Variants in WDR41 observed in about 807,000 individuals in gnomAD.
The protein encoded by WDR41 is WD repeat-containing protein 41.
WDR41 carries 63 observed loss-of-function variants against 69.3 expected under a neutral mutation model. The observed-to-expected ratio is 0.91, with a 90% CI of 0.74 to 1.12. The LOEUF is 1.12. Among genes scored for constraint, WDR41 ranks in the 50% most tolerant of loss-of-function variants. The pLI, the probability that WDR41 is intolerant of heterozygous loss-of-function variation, is 0.00. For missense variants in WDR41, 543 were observed against 534.5 expected (o/e 1.02, Z -0.16); for synonymous variants, 185 against 192.1 (o/e 0.96, Z 0.31).
chr5:77,540,535 C>G (rs1426128482), intron 1 of WDR41: 1 of 152,116 alleles, frequency 6.6e-6, no homozygotes, highest in Non-Finnish European at 1.5e-5. Flanking sequence ...GAAACTCCGT[C>G]TCTATAAAAA....
intron 1 of WDR41, among the ~76,000 whole-genome samples, chr5:77,565,018 G>C (rs1743595502): frequency 6.6e-6 from 1 of 151,824 alleles, no homozygotes; most frequent in Admixed American, 6.6e-5. Context: ...GTACTACAGG[G>C]CCTCATGACC....
intron 2 of WDR41, chr5:77,480,326 A>G (rs1581752471): frequency 1.3e-5 from 2 of 152,092 alleles, no homozygotes; most frequent in African/African-American, 4.8e-5. Flanking sequence ...ATTACTGGGT[A>G]TATACCCAAA....
intron 12 of WDR41, among the ~76,000 whole-genome samples, chr5:77,433,702 T>C (rs950118334): frequency 1.3e-5 from 2 of 152,140 alleles, no homozygotes; most frequent in African/African-American, 4.8e-5. Context: ...AGGTGTTAAG[T>C]GTCAGCACTA....
intron 2 of WDR41, among the ~76,000 whole-genome samples, chr5:77,472,095 A>C (rs56168734): frequency 0.054 from 8,252 of 151,680 alleles, 366 homozygotes; most frequent in Admixed American, 0.13. Flanking sequence ...GGGCTTCATC[A>C]CTGGGATGCA....
intron 4 of WDR41, among the ~76,000 whole-genome samples, chr5:77,461,834 TAA>T (rs547738918): frequency 1.5e-5 from 2 of 137,426 alleles, no homozygotes. Flanking sequence ...AGATTCTGTC[TAA>T]AAAAAAAAAA....
intron 5 of WDR41, among the ~76,000 whole-genome samples, chr5:77,455,949 A>G (rs180713780): frequency 6.6e-6 from 1 of 150,698 alleles, no homozygotes; most frequent in Non-Finnish European, 1.5e-5. Context: ...CTCCCATATG[A>G]ATTTTAGGAT....
intron 7 of WDR41, among the ~76,000 whole-genome samples, chr5:77,450,545 G>A (rs979163941): frequency 2.8e-4 from 42 of 152,224 alleles, no homozygotes; most frequent in African/African-American, 9.4e-4. Context: ...ATCCACAGAC[G>A]TGATTCTATC....
intron 1 of WDR41, among the ~76,000 whole-genome samples, chr5:77,554,433 T>C (rs1039252170): frequency 6.6e-6 from 1 of 152,048 alleles, no homozygotes; most frequent in South Asian, 2.1e-4. Flanking sequence ...ATAGGATTAG[T>C]GCTCTTGTAG....
chr5:77,448,382 A>T (rs1262080233), intron 8 of WDR41, among the ~76,000 whole-genome samples: 2 of 152,116 alleles, frequency 1.3e-5, no homozygotes, highest in Non-Finnish European at 2.9e-5. Flanking sequence ...AACACAGACA[A>T]TCTAGTCCTT....
Position 77,438,301 on chromosome 5 carries a change from TCACACGCTTC to T in WDR41, c.933_942del (p.Met311IlefsTer24), listed in dbSNP as rs1561726484. 2 of 1,613,952 alleles carry T rather than the reference TCACACGCTTC, an allele frequency of 1.2e-6. No homozygotes were observed. Among genetic ancestry groups the T allele is most frequent in the Non-Finnish European group, 1.7e-6 (2 of 1,179,938 alleles). On this transcript the variant is annotated frameshift_variant, in exon 10 of 13. Transcript: ENST00000296679. LOFTEE classifies it high-confidence loss of function. ...TCATGTGCAGTTTTCTGGCAGGCAA[TCACACGCTTC>T]ATTTGAAGGCTATACACGTATAAAC...
chr5:77,435,428 A>T lies in WDR41; in HGVS notation c.1227+833T>A, dbSNP rs1371079971. Among the ~76,000 whole-genome samples the T allele has an allele frequency of 1.3e-5, 2 of 152,198 alleles. 1 individual carries two copies. Among genetic ancestry groups the T allele is most frequent in the Admixed American group, 1.3e-4 (2 of 15,284 alleles). ...TCTCCACTCAAGGGTAAGATCCATG[A>T]GGGCAAGGACTGTTTTCATCTCTCT... On this transcript the variant is annotated intron_variant, in intron 12 of 12. Coordinates refer to ENST00000296679, the MANE Select transcript of WDR41 (RefSeq NM_018268.4).
chr5:77,547,346 T>G (rs1318324622), intron 1 of WDR41, among the ~76,000 whole-genome samples: 3 of 152,048 alleles, frequency 2.0e-5, no homozygotes, highest in Non-Finnish European at 4.4e-5. Context: ...TGTTTGCTGA[T>G]GATATGACCA....
intron 1 of WDR41, among the ~76,000 whole-genome samples, chr5:77,509,211 A>G (rs1163693149): frequency 1.3e-5 from 2 of 152,058 alleles, no homozygotes; most frequent in African/African-American, 4.8e-5. Flanking sequence ...CTCCCTCATC[A>G]AGACTTCTGA....
chr5:77,492,309 G>A lies in WDR41; in HGVS notation c.-89C>T, dbSNP rs540573301. The A allele has an allele frequency of 3.2e-5, 50 of 1,548,104 alleles. 1 individual carries two copies. The South Asian group carries it at 5.2e-4, about 16-fold the overall frequency. On this transcript the variant is annotated 5_prime_UTR_variant, in exon 1 of 13. Coordinates refer to ENST00000296679, the MANE Select transcript of WDR41 (RefSeq NM_018268.4). ...GCCTCCTCCTTCCTCCCCGGCTGCAGCGCAACTGAGACGCTAATACTTCCC... is the reference window on the plus strand; with the variant it reads ...GCCTCCTCCTTCCTCCCCGGCTGCAACGCAACTGAGACGCTAATACTTCCC...
chr5:77,568,453 TG>T (rs1236085435), intron 1 of WDR41, among the ~76,000 whole-genome samples: 1 of 152,200 alleles, frequency 6.6e-6, no homozygotes, highest in East Asian at 1.9e-4. Context: ...TGAACCTGTA[TG>T]AGAGCTCTGC....
intron 1 of WDR41, among the ~76,000 whole-genome samples, chr5:77,511,585 A>C (rs1176169182): frequency 2.0e-5 from 3 of 152,122 alleles, no homozygotes; most frequent in Non-Finnish European, 4.4e-5. Context: ...CAGGCAAAGA[A>C]TTTTTCTTTT....
chr5:77,474,879 G>A (rs1440673038), intron 2 of WDR41, among the ~76,000 whole-genome samples: 1 of 152,200 alleles, frequency 6.6e-6, no homozygotes, highest in Non-Finnish European at 1.5e-5. Flanking sequence ...GAAGACGGGT[G>A]ATTTCTGCAT....
At chr5:77,449,909 C>G (rs781664769) in intron 7 of WDR41, 39 bp from the exon 8 acceptor site, 1 of 1,370,460 alleles carries the variant, frequency 7.3e-7, no homozygotes, top group Non-Finnish European at 1.0e-6. Context: ...TTACAATGCT[C>G]TAAGAGGATA....
intron 8 of WDR41, among the ~76,000 whole-genome samples, chr5:77,448,997 G>A (rs72769043): frequency 0.018 from 2,746 of 152,148 alleles, 35 homozygotes; most frequent in Middle Eastern, 0.061. Flanking sequence ...TTACAGGATC[G>A]TCCTGCAGGC....
Sources: allele counts gnomAD v4.1 joint callset (sites outside exome capture counted in the v4.1 genomes callset), GRCh38; gene constraint gnomAD v4.1.1; transcripts MANE v1.5; gene names NCBI Gene and HGNC (gene_info 2026-07-23, HGNC 2026-07-21).